CFAP299: variants seen among roughly 807,000 people sequenced by gnomAD.
CFAP299 encodes the protein cilia and flagella associated protein 299.
A neutral mutation model predicts 27.0 loss-of-function variants in CFAP299; 21 were observed. That is an observed-to-expected ratio of 0.78 (90% CI 0.55 to 1.12). The LOEUF (loss-of-function observed/expected upper bound fraction) is 1.12. Ranked by LOEUF, CFAP299 falls within the 50% of genes most tolerant of loss-of-function variation. The pLI is 0.00. For synonymous variants in CFAP299, 104 were observed against 98.1 expected (o/e 1.06, Z -0.36); for missense variants, 310 against 276.6 (o/e 1.12, Z -0.86).
At chr4:80,542,927 G>A (rs184823029) in intron 2 of CFAP299, among the ~76,000 whole-genome samples, 6 of 151,998 alleles carry the variant, frequency 3.9e-5, no homozygotes, top group Admixed American at 1.3e-4. Context: ...GAGCACTTAC[G>A]CCCACAACCA....
intron 1 of CFAP299, among the ~76,000 whole-genome samples, chr4:80,339,404 G>A (rs901087583): frequency 6.6e-6 from 1 of 152,164 alleles, no homozygotes; most frequent in Non-Finnish European, 1.5e-5. Context: ...ATCACAGTAA[G>A]TACACAAATA....
chr4:80,830,836 G>T (rs1460884888), intron 3 of CFAP299, among the ~76,000 whole-genome samples: 2 of 152,092 alleles, frequency 1.3e-5, no homozygotes, highest in Non-Finnish European at 2.9e-5. Flanking sequence ...AAAAAATGAT[G>T]ACTACCTGTG....
At chr4:80,405,841 A>G (rs1195066021) in intron 2 of CFAP299, among the ~76,000 whole-genome samples, 1 of 151,998 alleles carries the variant, frequency 6.6e-6, no homozygotes, top group Non-Finnish European at 1.5e-5. Flanking sequence ...AGAGAACATT[A>G]TTTTTCTTCA....
chr4:80,768,046 A>G (rs556071896), intron 3 of CFAP299, among the ~76,000 whole-genome samples: 62 of 152,338 alleles, frequency 4.1e-4, no homozygotes, highest in Admixed American at 9.8e-4. Flanking sequence ...TGCCTTGGAT[A>G]TAAAAATATA....
intron 2 of CFAP299, among the ~76,000 whole-genome samples, chr4:80,577,338 G>A (rs1310204414): frequency 6.7e-6 from 1 of 148,822 alleles, no homozygotes; most frequent in Non-Finnish European, 1.5e-5. Flanking sequence ...ATTGCTGTTA[G>A]AATACATTTA....
At chr4:80,802,235 T>A (rs527739894) in intron 3 of CFAP299, among the ~76,000 whole-genome samples, 5 of 152,208 alleles carry the variant, frequency 3.3e-5, no homozygotes, top group African/African-American at 1.2e-4. Flanking sequence ...ACAATCATTT[T>A]AAAATGTATT....
chr4:80,507,046 G>A (rs774134662), intron 2 of CFAP299, among the ~76,000 whole-genome samples: 1 of 152,100 alleles, frequency 6.6e-6, no homozygotes, highest in Admixed American at 6.6e-5. Context: ...TTTAAAGGAA[G>A]CAATTTCTTA....
chr4:80,586,473 A>G (rs1736446318), intron 3 of CFAP299, among the ~76,000 whole-genome samples: 1 of 152,072 alleles, frequency 6.6e-6, no homozygotes, highest in Admixed American at 6.6e-5. Flanking sequence ...TCAATGTAAG[A>G]TATTATAGCT....
At chr4:80,884,852 A>G (rs377558409) in intron 4 of CFAP299, among the ~76,000 whole-genome samples, 4 of 152,194 alleles carry the variant, frequency 2.6e-5, no homozygotes, top group East Asian at 1.9e-4. Flanking sequence ...ATCTTCACAC[A>G]TAAAAGCACA....
At position 80,608,478 on chromosome 4, in the gene CFAP299, T is replaced by A. The variant is rs542564125; in HGVS notation, c.333+25295T>A. The A allele has an allele frequency of 9.1e-6, 6 of 656,970 alleles. No individual in the cohort carries two copies. In the East Asian group the frequency reaches 1.7e-4, roughly 18 times the overall value. 40.7% of individuals were successfully genotyped at this position (656,970 alleles called of 1,614,324 possible). On this transcript the variant is annotated intron_variant, in intron 3 of 5. Coordinates refer to ENST00000358105, the MANE Select transcript of CFAP299 (RefSeq NM_152770.3). ...ACTCCACTCCAAGGGCTATTGCTAC[T>A]GTTTTCCGAATTACTCACCAGCTTG...
At chr4:80,914,563 C>T (rs1441355668) in intron 4 of CFAP299, among the ~76,000 whole-genome samples, 1 of 152,110 alleles carries the variant, frequency 6.6e-6, no homozygotes, top group Non-Finnish European at 1.5e-5. Context: ...GAAAACGCCT[C>T]CCCATATTGA....
intron 3 of CFAP299, among the ~76,000 whole-genome samples, chr4:80,662,933 A>C (rs1337644096): frequency 1.3e-5 from 2 of 151,972 alleles, no homozygotes; most frequent in Admixed American, 1.3e-4. Flanking sequence ...AGCAAATTTT[A>C]GGTGCTACTT....
chr4:80,721,740 G>A (rs184613510), intron 3 of CFAP299, among the ~76,000 whole-genome samples: 3 of 152,194 alleles, frequency 2.0e-5, no homozygotes, highest in African/African-American at 4.8e-5. Context: ...ATTTTATAGA[G>A]AGAAACAAGG....
Position 80,478,561 on chromosome 4 carries a change from A to G in CFAP299, c.243-104532A>G, listed in dbSNP as rs139347300. 2.7e-3 allele frequency among the ~76,000 whole-genome samples: 414 copies of G among 152,212 alleles called. 3 individuals are homozygous for G. Among genetic ancestry groups the G allele is most frequent in the Non-Finnish European group, 2.0e-3 (134 of 68,000 alleles). The stretch of plus-strand genomic sequence containing the variant: ...ATATTAAGCCTAAATTAAAGAAAAA[A>G]TTACAGAAAATTCAAAATCAAAAAG... On this transcript the variant is annotated intron_variant, in intron 2 of 5. Transcript: ENST00000358105.
chr4:80,677,370 A>G (rs1719529718), intron 3 of CFAP299, among the ~76,000 whole-genome samples: 1 of 151,964 alleles, frequency 6.6e-6, no homozygotes, highest in African/African-American at 2.4e-5. Flanking sequence ...CTACTTTCAT[A>G]CTCAGATGTG....
intron 3 of CFAP299, among the ~76,000 whole-genome samples, chr4:80,723,308 G>A (rs1193161812): frequency 6.6e-6 from 1 of 152,112 alleles, no homozygotes; most frequent in African/African-American, 2.4e-5. Context: ...GGTTATTGGA[G>A]CATTATTTGC....
intron 3 of CFAP299, among the ~76,000 whole-genome samples, chr4:80,842,016 G>A (rs1230079778): frequency 6.6e-6 from 1 of 152,090 alleles, no homozygotes; most frequent in Non-Finnish European, 1.5e-5. Flanking sequence ...AATATCCCTT[G>A]CATGTCTGCT....
chr4:80,924,699 A>G, intron 4 of CFAP299, among the ~76,000 whole-genome samples: 1 of 151,200 alleles, frequency 6.6e-6, no homozygotes, highest in East Asian at 1.9e-4. Flanking sequence ...TATAACTTGT[A>G]TTTTCACAAG....
chr4:80,677,965 C>T (rs755810034), intron 3 of CFAP299, among the ~76,000 whole-genome samples: 1 of 152,034 alleles, frequency 6.6e-6, no homozygotes, highest in Non-Finnish European at 1.5e-5. Flanking sequence ...GGGGATTCCT[C>T]CTTTTTCTTT....
Sources: gnomAD v4.1 joint callset for allele counts (sites outside exome capture counted in the v4.1 genomes callset) on GRCh38, gnomAD v4.1.1 for gene constraint, MANE v1.5 for transcripts, NCBI Gene and HGNC (gene_info 2026-07-23, HGNC 2026-07-21) for gene names.